Variants in TNFSF4 observed in about 807,000 individuals in gnomAD.
TNFSF4 encodes tumor necrosis factor ligand superfamily member 4.
A neutral mutation model predicts 7.3 loss-of-function variants in TNFSF4; 4 were observed. The observed-to-expected ratio is 0.55, with a 90% CI of 0.27 to 1.25. The LOEUF (loss-of-function observed/expected upper bound fraction) is 1.25, where lower values mean the gene tolerates loss of function less well. Among genes scored for constraint, TNFSF4 ranks in the 50% most tolerant of loss-of-function variants. The pLI, the probability that TNFSF4 is intolerant of heterozygous loss-of-function variation, is 0.12. For synonymous variants in TNFSF4, 76 were observed against 83.7 expected (o/e 0.91, Z 0.50); for missense variants, 181 against 208.8 (o/e 0.87, Z 0.82).
At chr1:173,427,134 A>T in the TNFSF4 span, among the ~76,000 whole-genome samples, 1 of 152,240 alleles carries the variant, frequency 6.6e-6, no homozygotes, top group Admixed American at 6.5e-5. Flanking sequence ...CACCAACAAA[A>T]AATCAATACA....
the TNFSF4 span, among the ~76,000 whole-genome samples, chr1:173,270,800 A>G: frequency 1.3e-5 from 2 of 152,166 alleles, no homozygotes; most frequent in Non-Finnish European, 2.9e-5. Flanking sequence ...AATGCATATT[A>G]TAAAGCTATA....
chr1:173,400,750 C>T, the TNFSF4 span, among the ~76,000 whole-genome samples: 1 of 152,222 alleles, frequency 6.6e-6, no homozygotes. Context: ...TATTACTCTG[C>T]CCTGTGATTA....
At chr1:173,301,714 T>A in the TNFSF4 span, among the ~76,000 whole-genome samples, 1 of 151,820 alleles carries the variant, frequency 6.6e-6, no homozygotes, top group Admixed American at 6.6e-5. Flanking sequence ...CTCCTTCATA[T>A]CACTATGCTT....
At chr1:173,444,969 C>G in the TNFSF4 span, among the ~76,000 whole-genome samples, 1 of 152,114 alleles carries the variant, frequency 6.6e-6, no homozygotes, top group Non-Finnish European at 1.5e-5. Flanking sequence ...ATGAAAGCCA[C>G]AAGTAAAAAT....
At position 173,186,858 on chromosome 1, in the gene TNFSF4, C is replaced by T; in HGVS notation, c.210G>A (p.Lys70=). 1 of 1,592,018 alleles carries T rather than the reference C, an allele frequency of 6.3e-7. No homozygotes were observed. Among genetic ancestry groups the T allele is most frequent in the Non-Finnish European group, 8.6e-7 (1 of 1,168,670 alleles). ...QSIKVQFTEY[K]KEKGFILTSQ... ...AAGTGAGGATGAAACCTTTCTCCTT[C>T]TTATATTCTAGGGAGGATAGGGGAA... The change falls in exon 3 of 3, where the codon AAG becomes AAA. Residue 70 remains lysine (K), a synonymous_variant. Transcript: ENST00000281834.
At chr1:173,288,174 G>A in the TNFSF4 span, among the ~76,000 whole-genome samples, 3 of 152,120 alleles carry the variant, frequency 2.0e-5, no homozygotes, top group East Asian at 5.8e-4. Context: ...CCAAGCACGG[G>A]GTGGCTTGCA....
the TNFSF4 span, among the ~76,000 whole-genome samples, chr1:173,253,801 T>C: frequency 6.6e-6 from 1 of 152,224 alleles, no homozygotes; most frequent in Non-Finnish European, 1.5e-5. Context: ...TGAGTTTTTT[T>C]CTATTAGAAA....
the TNFSF4 span, among the ~76,000 whole-genome samples, chr1:173,291,437 A>T: frequency 6.6e-6 from 1 of 152,132 alleles, no homozygotes; most frequent in Non-Finnish European, 1.5e-5. Flanking sequence ...AATCAAAAAA[A>T]TTTTTGAAAC....
At chr1:173,367,576 T>G in the TNFSF4 span, among the ~76,000 whole-genome samples, 3 of 151,876 alleles carry the variant, frequency 2.0e-5, no homozygotes, top group South Asian at 6.2e-4. Context: ...AGTCAGGGGG[T>G]TTATGGAGTA....
At chr1:173,303,096 C>A in the TNFSF4 span, among the ~76,000 whole-genome samples, 1 of 151,730 alleles carries the variant, frequency 6.6e-6, no homozygotes, top group Non-Finnish European at 1.5e-5. Context: ...GCCTTCTGAC[C>A]AAGTTAGGTC....
downstream of TNFSF4, among the ~76,000 whole-genome samples, chr1:173,180,274 T>C (rs182986070): frequency 2.0e-3 from 301 of 152,334 alleles, 1 homozygote; most frequent in Admixed American, 4.7e-3. Flanking sequence ...TTATCTGATA[T>C]CCTGGCTCCT....
the TNFSF4 span, among the ~76,000 whole-genome samples, chr1:173,312,840 G>A: frequency 6.6e-6 from 1 of 152,120 alleles, no homozygotes; most frequent in Non-Finnish European, 1.5e-5. Flanking sequence ...TTTGTAGAAA[G>A]AAGTACCTGC....
At chr1:173,422,540 G>A in the TNFSF4 span, among the ~76,000 whole-genome samples, 1 of 152,134 alleles carries the variant, frequency 6.6e-6, no homozygotes, top group Non-Finnish European at 1.5e-5. Flanking sequence ...ACCTTGGCCA[G>A]TCTAGGAGGT....
the TNFSF4 span, among the ~76,000 whole-genome samples, chr1:173,436,003 T>C: frequency 5.3e-5 from 8 of 152,240 alleles, no homozygotes; most frequent in Non-Finnish European, 1.2e-4. Flanking sequence ...AGCTACTTGA[T>C]AAATATTTCC....
chr1:173,398,165 T>C, the TNFSF4 span, among the ~76,000 whole-genome samples: 12 of 152,270 alleles, frequency 7.9e-5, no homozygotes, highest in Middle Eastern at 3.4e-3. Flanking sequence ...TCCTCAGCCC[T>C]TTGTCATACA....
the TNFSF4 span, among the ~76,000 whole-genome samples, chr1:173,292,553 G>A: frequency 6.6e-6 from 1 of 151,914 alleles, no homozygotes; most frequent in East Asian, 1.9e-4. Context: ...GCTGGAAGCT[G>A]GAAGCATTCC....
the TNFSF4 span, among the ~76,000 whole-genome samples, chr1:173,336,885 CA>C: frequency 2.7e-5 from 4 of 149,314 alleles, no homozygotes; most frequent in Non-Finnish European, 3.0e-5. Flanking sequence ...CTCCTACCAC[CA>C]AAAAAAAAGG....
chr1:173,294,644 A>G, the TNFSF4 span, among the ~76,000 whole-genome samples: 1 of 152,076 alleles, frequency 6.6e-6, no homozygotes, highest in Non-Finnish European at 1.5e-5. Context: ...ATAAAAAGGA[A>G]GAACAGATTA....
chr1:173,358,678 G>A, the TNFSF4 span, among the ~76,000 whole-genome samples: 1 of 152,156 alleles, frequency 6.6e-6, no homozygotes, highest in Non-Finnish European at 1.5e-5. Context: ...GTAAATAAAT[G>A]GAGGAATGAA....
Sources: gnomAD v4.1 joint callset for allele counts (sites outside exome capture counted in the v4.1 genomes callset) on GRCh38, gnomAD v4.1.1 for gene constraint, MANE v1.5 for transcripts, NCBI Gene and HGNC (gene_info 2026-07-23, HGNC 2026-07-21) for gene names.